Variants in CD55 observed in about 807,000 individuals in gnomAD.
CD55 encodes complement decay-accelerating factor.
A neutral mutation model predicts 45.8 loss-of-function variants in CD55; 41 were observed. The ratio of observed to expected loss-of-function variants is 0.90; its 90% CI spans 0.70 to 1.16. The LOEUF (loss-of-function observed/expected upper bound fraction) is 1.16. CD55 is among the 50% of genes most tolerant of loss of function. The probability of loss-of-function intolerance (pLI) is 0.00; values close to 1 mark genes in which losing one functional copy is unlikely to be tolerated. For synonymous variants in CD55, 181 were observed against 181.1 expected (o/e 1.00, Z 0.01); for missense variants, 416 against 469.8 (o/e 0.89, Z 1.06).
chr1:207,326,605 T>G (rs1417997725), intron 4 of CD55, 147 bp from the exon 5 acceptor site: 1 of 616,638 alleles, frequency 1.6e-6, no homozygotes, highest in Non-Finnish European at 2.9e-6. Context: ...TCTTTTCCTT[T>G]AAACTACTGT....
At chr1:207,336,954 C>A in intron 7 of CD55, 136 bp downstream of exon 7, 2 of 941,164 alleles carry the variant, frequency 2.1e-6, no homozygotes, top group South Asian at 1.5e-5. Context: ...TAGAAACCCA[C>A]CACAATAAAT....
chr1:207,359,049 C>G (rs1213512004), intron 9 of CD55, among the ~76,000 whole-genome samples: 1 of 151,980 alleles, frequency 6.6e-6, no homozygotes, highest in Non-Finnish European at 1.5e-5. Flanking sequence ...ATAATATGTG[C>G]TAAGATATCC....
At chr1:207,347,256 G>A (rs1655678395) in intron 9 of CD55, 1 of 451,906 alleles carries the variant, frequency 2.2e-6, no homozygotes, top group South Asian at 1.6e-5. Context: ...AGGGAAAATG[G>A]GTAAACACAT....
In CD55 at chr1:207,323,710, A is replaced by G. The variant is rs1461813680; in HGVS notation, c.287-849A>G. ...AGAAGCCATGCGTGAAATAGGCTTT[A>G]ACTTTTTATTTTTATCCACAATAGA... On this transcript the variant is annotated intron_variant, in intron 2 of 9. Transcript: ENST00000367064. Among the ~76,000 whole-genome samples the G allele has an allele frequency of 2.6e-5, 4 of 152,236 alleles. No individual in the cohort carries two copies. In the East Asian group the frequency reaches 7.7e-4, roughly 29 times the overall value.
chr1:207,335,948 G>A (rs887345433), intron 6 of CD55, among the ~76,000 whole-genome samples: 3 of 152,126 alleles, frequency 2.0e-5, no homozygotes, highest in Admixed American at 2.0e-4. Flanking sequence ...GAAGGGTTAG[G>A]GACTTGCTAG....
chr1:207,332,917 A>G (rs867674658), intron 6 of CD55, among the ~76,000 whole-genome samples: 72 of 152,284 alleles, frequency 4.7e-4, no homozygotes, highest in African/African-American at 1.6e-3. Flanking sequence ...CTGATTCTGA[A>G]CCTGGACTAA....
At chr1:207,340,835 A>T in intron 9 of CD55, 1 of 400,484 alleles carries the variant, frequency 2.5e-6, no homozygotes, top group Non-Finnish European at 4.4e-6. Flanking sequence ...GGATCCTAAG[A>T]TAGTTATATT....
At chr1:207,351,521 G>A (rs1655868790) in intron 9 of CD55, among the ~76,000 whole-genome samples, 1 of 152,152 alleles carries the variant, frequency 6.6e-6, no homozygotes, top group Non-Finnish European at 1.5e-5. Context: ...GAATCTGGAT[G>A]ATCCAGTGTT....
intron 9 of CD55, among the ~76,000 whole-genome samples, chr1:207,355,773 C>G (rs1235574637): frequency 6.6e-6 from 1 of 152,128 alleles, no homozygotes; most frequent in Non-Finnish European, 1.5e-5. Context: ...AAAGTGAACT[C>G]TAAGATGCTT....
chr1:207,331,374 C>A (rs1654939572), intron 6 of CD55, 78 bp downstream of exon 6: 5 of 1,116,194 alleles, frequency 4.5e-6, no homozygotes, highest in African/African-American at 1.6e-5. Flanking sequence ...ATTCAATGAA[C>A]CCCCTAAGAA....
intron 9 of CD55, chr1:207,354,254 G>T: frequency 1.0e-6 from 1 of 984,768 alleles, no homozygotes; most frequent in African/African-American, 1.7e-5. Context: ...TGAATCTGGG[G>T]CTAGAAGTGA....
intron 9 of CD55, chr1:207,340,834 G>C: frequency 2.5e-6 from 1 of 401,464 alleles, no homozygotes; most frequent in East Asian, 3.8e-5. Context: ...TGGATCCTAA[G>C]ATAGTTATAT....
At chr1:207,353,869 C>T (rs895823307) in intron 9 of CD55, 5 of 652,654 alleles carry the variant, frequency 7.7e-6, no homozygotes, top group South Asian at 2.7e-5. Context: ...AAATCATCTA[C>T]GAAAATCTCT....
At chr1:207,340,624 C>G (rs754476606) in intron 9 of CD55, 1 of 673,846 alleles carries the variant, frequency 1.5e-6, no homozygotes, top group Non-Finnish European at 2.7e-6. Flanking sequence ...TTTCCGGCCT[C>G]CCAAAACGTT....
intron 6 of CD55, among the ~76,000 whole-genome samples, chr1:207,331,954 A>G (rs570142154): frequency 1.2e-4 from 19 of 152,174 alleles, no homozygotes; most frequent in Non-Finnish European, 2.4e-4. Flanking sequence ...GAATACCAAC[A>G]TGACTCAAGC....
At chr1:207,337,975 T>C (rs1326350969) in intron 8 of CD55, among the ~76,000 whole-genome samples, 1 of 152,232 alleles carries the variant, frequency 6.6e-6, no homozygotes, top group Non-Finnish European at 1.5e-5. Context: ...TCTATAGTTT[T>C]ACCCATTATG....
At chr1:207,351,379 T>G (rs1189946928) in intron 9 of CD55, among the ~76,000 whole-genome samples, 1 of 152,184 alleles carries the variant, frequency 6.6e-6, no homozygotes, top group Non-Finnish European at 1.5e-5. Context: ...AGTGTCAAGT[T>G]TAGGTCATGA....
At position 207,321,732 on chromosome 1, in the gene CD55, C is replaced by T. The variant is rs943521188; in HGVS notation, c.-34C>T. ...GGCGTAGCTGCGACTCGGCGGAGTC[C>T]CGGCGGCGCGTCCTTGTTCTAACCC... is the stretch of plus-strand genomic sequence containing the variant. On this transcript the variant is annotated 5_prime_UTR_variant, in exon 1 of 10. Transcript: ENST00000367064. 1 of 1,465,286 alleles carries T rather than the reference C, an allele frequency of 6.8e-7. No individual in the cohort carries two copies. 90.8% of individuals were successfully genotyped at this position (1,465,286 alleles called of 1,614,324 possible).
chr1:207,322,196 A>T, intron 1 of CD55, 186 bp from the exon 2 acceptor site: 2 of 720,032 alleles, frequency 2.8e-6, no homozygotes, highest in South Asian at 1.5e-5. Flanking sequence ...GTCTAAAAGG[A>T]TGGGAGGCCA....
Sources: allele counts gnomAD v4.1 joint callset (sites outside exome capture counted in the v4.1 genomes callset), GRCh38; gene constraint gnomAD v4.1.1; transcripts MANE v1.5; gene names NCBI Gene and HGNC (gene_info 2026-07-23, HGNC 2026-07-21).